The following CHODL variants were observed in gnomAD, a reference collection of about 807,000 sequenced individuals.
The protein encoded by CHODL is chondrolectin.
In CHODL, 29 loss-of-function variants were observed where a neutral mutation model predicts 34.5. That is an observed-to-expected ratio of 0.84 (90% CI 0.63 to 1.15). The LOEUF is 1.15. CHODL is among the 50% of genes most tolerant of loss of function. The probability of loss-of-function intolerance (pLI) is 0.00; values close to 1 mark genes in which losing one functional copy is unlikely to be tolerated. For missense variants in CHODL, 332 were observed against 332.5 expected (o/e 1.00, Z 0.01); for synonymous variants, 125 against 116.1 (o/e 1.08, Z -0.49).
chr21:17,974,379 TCTC>T (rs1440901648), intron 1 of CHODL, among the ~76,000 whole-genome samples: 3 of 151,974 alleles, frequency 2.0e-5, no homozygotes, highest in Non-Finnish European at 4.4e-5. Flanking sequence ...TTCAAACAAT[TCTC>T]CTGCCTCAGC....
Position 18,216,180 on chromosome 21 carries a change from G to A in CHODL, c.-44-40329G>A, listed in dbSNP as rs896385552. On this transcript the variant is annotated intron_variant, in intron 2 of 6. Coordinates refer to the CHODL transcript ENST00000400127. The stretch of plus-strand genomic sequence containing the variant: ...ACATAACAATTGTACATATTTATGG[G>A]GTACGTGTAATATTTTGATATATGC... 2.6e-5 allele frequency among the ~76,000 whole-genome samples: 4 copies of A among 151,176 alleles called. No homozygotes were observed. The South Asian group carries it at 8.4e-4, about 32-fold the overall frequency.
intron 2 of CHODL, among the ~76,000 whole-genome samples, chr21:18,109,914 A>G (rs1050567388): frequency 6.6e-6 from 1 of 152,182 alleles, no homozygotes; most frequent in Non-Finnish European, 1.5e-5. Context: ...CTAGCAGTCA[A>G]GAAGACATGT....
chr21:18,146,939 TG>T (rs1372258276), intron 2 of CHODL, among the ~76,000 whole-genome samples: 1 of 152,236 alleles, frequency 6.6e-6, no homozygotes, highest in African/African-American at 2.4e-5. Flanking sequence ...GCTACTGTGT[TG>T]AGATCTTGGA....
chr21:18,132,601 T>C (rs182051260), intron 2 of CHODL, among the ~76,000 whole-genome samples: 60 of 152,286 alleles, frequency 3.9e-4, no homozygotes, highest in Non-Finnish European at 6.6e-4. Context: ...AGAAAGATCA[T>C]TTTATCTAGG....
chr21:18,108,348 G>A (rs973635037), intron 2 of CHODL, among the ~76,000 whole-genome samples: 5 of 152,098 alleles, frequency 3.3e-5, no homozygotes, highest in Non-Finnish European at 5.9e-5. Context: ...CCTCAATGAC[G>A]TCTTACTATA....
intron 2 of CHODL, among the ~76,000 whole-genome samples, chr21:18,134,678 G>A (rs1416594087): frequency 6.6e-6 from 1 of 152,158 alleles, no homozygotes; most frequent in Non-Finnish European, 1.5e-5. Context: ...AATCCATCAT[G>A]CTGAGGCACT....
chr21:18,216,976 T>C (rs917654802), intron 2 of CHODL, among the ~76,000 whole-genome samples: 5 of 152,070 alleles, frequency 3.3e-5, no homozygotes, highest in Non-Finnish European at 5.9e-5. Flanking sequence ...CCAAACCATA[T>C]CAGCAGGATT....
chr21:18,107,383 C>A (rs1245305759), intron 2 of CHODL, among the ~76,000 whole-genome samples: 2 of 152,172 alleles, frequency 1.3e-5, no homozygotes, highest in Admixed American at 6.6e-5. Context: ...TTCTGCTTTT[C>A]CCTTGGAAAG....
At chr21:18,045,376 C>T (rs117672463) in intron 2 of CHODL, among the ~76,000 whole-genome samples, 4,001 of 151,934 alleles carry the variant, frequency 0.026, 89 homozygotes, top group South Asian at 0.061. Flanking sequence ...CAGGTGAGCC[C>T]TAAATCCGGT....
At chr21:18,065,842 A>C (rs1033988973) in intron 2 of CHODL, among the ~76,000 whole-genome samples, 1 of 152,210 alleles carries the variant, frequency 6.6e-6, no homozygotes, top group Non-Finnish European at 1.5e-5. Flanking sequence ...TAGGAAATGC[A>C]TCTAAAAAAA....
At chr21:17,920,913 G>A (rs1409983360) in intron 1 of CHODL, among the ~76,000 whole-genome samples, 1 of 152,150 alleles carries the variant, frequency 6.6e-6, no homozygotes, top group Non-Finnish European at 1.5e-5. Flanking sequence ...ATGATCACTT[G>A]CCTATTTTAG....
chr21:18,185,197 A>G (rs2073426735), intron 2 of CHODL, among the ~76,000 whole-genome samples: 1 of 151,858 alleles, frequency 6.6e-6, no homozygotes, highest in South Asian at 2.1e-4. Context: ...GGCAGGCACT[A>G]GTGTGTGATG....
chr21:17,953,325 G>A (rs1402935038), intron 1 of CHODL, among the ~76,000 whole-genome samples: 1 of 152,118 alleles, frequency 6.6e-6, no homozygotes, highest in African/African-American at 2.4e-5. Flanking sequence ...GTTGAAGCCT[G>A]GTATAATGTT....
chr21:18,127,027 T>A (rs1343093133), intron 2 of CHODL, among the ~76,000 whole-genome samples: 1 of 152,208 alleles, frequency 6.6e-6, no homozygotes, highest in Admixed American at 6.5e-5. Context: ...AAACATGTTA[T>A]CCTTCGCGTC....
rs1601072143 is a variant in CHODL at position 18,149,496 on chromosome 21, T to G, written c.-44-107013T>G. Among the ~76,000 whole-genome samples the G allele has an allele frequency of 1.3e-5, 2 of 152,224 alleles. 1 individual carries two copies. The highest frequency in any genetic ancestry group is 1.3e-4 in the Admixed American group (2 of 15,276). ...AAGGAACCTCATGGGTCTGTCTATG[T>G]GAACATCCTTCTTTTGCATGTAGAG... On this transcript the variant is annotated intron_variant, in intron 2 of 6. Transcript: ENST00000400127.
At chr21:18,068,668 G>A (rs1228234793) in intron 2 of CHODL, among the ~76,000 whole-genome samples, 2 of 152,062 alleles carry the variant, frequency 1.3e-5, no homozygotes, top group Non-Finnish European at 2.9e-5. Flanking sequence ...ACTTGCATCT[G>A]TGCATTGTTG....
chr21:18,041,260 A>G (rs2064372554), intron 2 of CHODL, among the ~76,000 whole-genome samples: 1 of 151,892 alleles, frequency 6.6e-6, no homozygotes, highest in Non-Finnish European at 1.5e-5. Flanking sequence ...AAAGAGAGAT[A>G]GTGTTGGAGT....
chr21:18,115,428 C>T (rs1256272894), intron 2 of CHODL, among the ~76,000 whole-genome samples: 1 of 152,218 alleles, frequency 6.6e-6, no homozygotes, highest in Admixed American at 6.5e-5. Context: ...AAAGCTATGG[C>T]AGACTTATTC....
At chr21:18,126,990 T>G (rs1407278775) in intron 2 of CHODL, among the ~76,000 whole-genome samples, 1 of 152,210 alleles carries the variant, frequency 6.6e-6, no homozygotes, top group Non-Finnish European at 1.5e-5. Context: ...ACAATGCCAC[T>G]TCTACTCCAA....
Sources: gnomAD v4.1 joint callset for allele counts (sites outside exome capture counted in the v4.1 genomes callset) on GRCh38, gnomAD v4.1.1 for gene constraint, MANE v1.5 for transcripts, NCBI Gene and HGNC (gene_info 2026-07-23, HGNC 2026-07-21) for gene names.